The following USF3 variants were observed in gnomAD, a reference collection of about 807,000 sequenced individuals.
USF3 encodes upstream transcription factor family member 3, also known as basic helix-loop-helix domain-containing protein USF3.
USF3 carries 29 observed loss-of-function variants against 157.5 expected under a neutral mutation model. That is an observed-to-expected ratio of 0.18 (90% CI 0.14 to 0.25). The LOEUF is 0.25. Among genes scored for constraint, USF3 ranks in the 10% least tolerant of loss-of-function variants. The probability of loss-of-function intolerance (pLI) is 1.00; values close to 1 mark genes in which losing one functional copy is unlikely to be tolerated. For synonymous variants in USF3, 893 were observed against 941.4 expected, an observed-to-expected ratio of 0.95 and a Z score of 0.94; for missense variants, 2,381 against 2,667.6, an observed-to-expected ratio of 0.89 and a Z score of 2.37.
chr3:113,648,436 A>G lies in USF3; in HGVS notation c.*6508T>C, dbSNP rs1027532919. 29 of 152,692 alleles carry G rather than the reference A, an allele frequency of 1.9e-4. No individual in the cohort carries two copies. The highest frequency in any genetic ancestry group is 7.0e-4 in the African/African-American group (29 of 41,470). 9.5% of individuals were successfully genotyped at this position (152,692 alleles called of 1,614,324 possible). On this transcript the variant is annotated 3_prime_UTR_variant, in exon 7 of 7. Transcript: ENST00000316407. ...TTTTCTTAAATAAAATACTATATTC[A>G]TATCTATACAAATAATTATTACAAC... is the stretch of plus-strand genomic sequence containing the variant.
In USF3 at chr3:113,655,355, G is replaced by C. The variant is rs372130491; in HGVS notation, c.6327C>G (p.Ser2109=). 13 of 1,613,950 alleles carry C rather than the reference G, an allele frequency of 8.1e-6. No homozygotes were observed. Among genetic ancestry groups the C allele is most frequent in the Non-Finnish European group, 1.1e-5 (13 of 1,179,938 alleles). ...IPVDPQNTLP[S]FYPPYSPAHP... ...GAGCAGGAGAGTATGGAGGATAGAA[G>C]GAGGGCAGAGTATTTTGCGGATCTA... Residue 2109 remains serine (S), a synonymous_variant, in exon 7 of 7, where the codon TCC becomes TCG. Transcript: ENST00000316407.
rs1036517765 is a variant in USF3 at position 113,651,783 on chromosome 3, C to G, written c.*3161G>C. The G allele has an allele frequency of 6.6e-6, 1 of 152,110 alleles. No homozygotes were observed. Among genetic ancestry groups the G allele is most frequent in the Non-Finnish European group, 1.5e-5 (1 of 68,040 alleles). 9.4% of individuals were successfully genotyped at this position (152,110 alleles called of 1,614,324 possible). ...CATCTGTAAAGTAATGAGAGCTACA[C>G]GTAAGCAGGAGCCAATTATTCACAG... On this transcript the variant is annotated 3_prime_UTR_variant, in exon 7 of 7. Coordinates refer to ENST00000316407, the MANE Select transcript of USF3 (RefSeq NM_001009899.4).
At position 113,661,402 on chromosome 3, in the gene USF3, T is replaced by C. The variant is rs758120833; in HGVS notation, c.280A>G (p.Lys94Glu). Residue 94 changes from lysine (K) to glutamate (E), a missense_variant, in exon 7 of 7, where the codon AAA becomes GAA. Lys to Glu is a moderately conservative substitution (Grantham distance 56). Coordinates refer to ENST00000316407, the MANE Select transcript of USF3 (RefSeq NM_001009899.4). ...TCTTTTTGGATTTCTTCCAGTTGTT[T>C]CCGTAGCTTTTTTATTTCTTCAGCT... ...EQAEEIKKLRKQLEEIQKENG... is the reference protein window; with the variant it reads ...EQAEEIKKLREQLEEIQKENG... 5.8e-6 allele frequency: 9 copies of C among 1,560,930 alleles called. No individual in the cohort carries two copies. Among genetic ancestry groups the C allele is most frequent in the Non-Finnish European group, 7.8e-6 (9 of 1,158,984 alleles).
intron 4 of USF3, among the ~76,000 whole-genome samples, chr3:113,670,657 C>T (rs1273930745): frequency 6.6e-6 from 1 of 152,042 alleles, no homozygotes; most frequent in Admixed American, 6.6e-5. Context: ...AAGGGCTTAT[C>T]AAACATTATC....
In USF3 at chr3:113,650,288, T is replaced by C; in HGVS notation, c.*4656A>G. The C allele has an allele frequency of 6.3e-6, 1 of 159,478 alleles. No individual in the cohort carries two copies. The highest frequency in any genetic ancestry group is 1.4e-5 in the Non-Finnish European group (1 of 72,948). The allele number at this position is 159,478 out of a possible 1,614,324, so 9.9% of individuals were successfully genotyped here. On this transcript the variant is annotated 3_prime_UTR_variant, in exon 7 of 7. Coordinates refer to ENST00000316407, the MANE Select transcript of USF3 (RefSeq NM_001009899.4). Reference sequence around the variant, plus strand: ...ACACTGAAATATTTTAAATCAATTCTGAACTAATTTTGTTTCAAGAAATTA... The same window carrying C: ...ACACTGAAATATTTTAAATCAATTCCGAACTAATTTTGTTTCAAGAAATTA...
Position 113,648,639 on chromosome 3 carries a change from A to C in USF3, c.*6305T>G, listed in dbSNP as rs577939623. ...ATTATACATATCTGCTCTGGATTCCATTACAAAACAAATTAGTTTCCATAA... is the reference window on the plus strand; with the variant it reads ...ATTATACATATCTGCTCTGGATTCCCTTACAAAACAAATTAGTTTCCATAA... On this transcript the variant is annotated 3_prime_UTR_variant, in exon 7 of 7. Coordinates refer to ENST00000316407, the MANE Select transcript of USF3 (RefSeq NM_001009899.4). 4 of 152,750 alleles carry C rather than the reference A, an allele frequency of 2.6e-5. No homozygotes were observed. The South Asian group carries it at 8.3e-4, about 32-fold the overall frequency. The allele number at this position is 152,750 out of a possible 1,614,324, so 9.5% of individuals were successfully genotyped here.
Position 113,659,336 on chromosome 3 carries a change from G to A in USF3, c.2346C>T (p.Asn782=), listed in dbSNP as rs868377040. The change falls in exon 7 of 7, where the codon AAC becomes AAT. Residue 782 remains asparagine (N), a synonymous_variant. Coordinates refer to ENST00000316407, the MANE Select transcript of USF3 (RefSeq NM_001009899.4). ...TCATGTTAGGCAAACAAGCAACAGT[G>A]TTCATTGAGGAAGTACTCACTAGAT... ...TYNLVSTSSM[N]TVACLPNMKS... 5.6e-6 allele frequency: 9 copies of A among 1,614,100 alleles called. No individual in the cohort carries two copies. Among genetic ancestry groups the A allele is most frequent in the Middle Eastern group, 3.3e-4 (2 of 6,084 alleles).
intron 1 of USF3, among the ~76,000 whole-genome samples, chr3:113,684,510 A>T (rs1245442321): frequency 6.6e-6 from 1 of 151,856 alleles, no homozygotes; most frequent in East Asian, 1.9e-4. Flanking sequence ...TTTTGAAGCT[A>T]TTTTCTAAAT....
chr3:113,679,871 A>T (rs759326263), intron 1 of USF3, among the ~76,000 whole-genome samples: 26 of 152,058 alleles, frequency 1.7e-4, no homozygotes, highest in Non-Finnish European at 3.7e-4. Context: ...TCTGAAATTC[A>T]TCTAGTAGTT....
chr3:113,652,122 TG>T lies in USF3; in HGVS notation c.*2821del, dbSNP rs1947273306. ...GAGAGAGAGAGAGTGTGTGTGTGTG[TG>T]TGTGTGTGTGTGTGTGTATATGTGT... On this transcript the variant is annotated 3_prime_UTR_variant, in exon 7 of 7. Transcript: ENST00000316407. 7.0e-6 allele frequency: 1 copy of T among 142,046 alleles called. No individual in the cohort carries two copies. Among genetic ancestry groups the T allele is most frequent in the African/African-American group, 3.0e-5 (1 of 33,808 alleles). The allele number at this position is 142,046 out of a possible 1,614,324, so 8.8% of individuals were successfully genotyped here.
chr3:113,678,042 C>T (rs913573190), intron 1 of USF3, among the ~76,000 whole-genome samples: 2 of 150,610 alleles, frequency 1.3e-5, no homozygotes, highest in Non-Finnish European at 3.0e-5. Context: ...CTTCTCCCTC[C>T]CTTCCTCCCT....
Position 113,657,421 on chromosome 3 carries a change from C to G in USF3, c.4261G>C (p.Gly1421Arg). The change falls in exon 7 of 7, where the codon GGT becomes CGT. Residue 1421 changes from glycine to arginine, a missense_variant. This residue lies in a region of USF3 where 1,435 missense variants were observed against 1,550.9 expected (regional missense o/e 0.93). Coordinates refer to ENST00000316407, the MANE Select transcript of USF3 (RefSeq NM_001009899.4). ...PALRQTEVQC[G>R]SQPSVAEQQQ... ...TGTTCAGCAACTGAAGGCTGAGAAC[C>G]ACACTGAACTTCAGTTTGCCTCAAT... The G allele has an allele frequency of 6.2e-7, 1 of 1,614,128 alleles. No homozygotes were observed.
rs1947321184 is a variant in USF3 at position 113,654,668 on chromosome 3, T to G, written c.*276A>C. 1 of 396,614 alleles carries G rather than the reference T, an allele frequency of 2.5e-6. No individual in the cohort carries two copies. Among genetic ancestry groups the G allele is most frequent in the African/African-American group, 2.0e-5 (1 of 48,964 alleles). 24.6% of individuals were successfully genotyped at this position (396,614 alleles called of 1,614,324 possible). A position where few individuals can be genotyped will look rare whatever the true frequency, so the allele number is the denominator to read the frequency against. On this transcript the variant is annotated 3_prime_UTR_variant, in exon 7 of 7. Coordinates refer to ENST00000316407, the MANE Select transcript of USF3 (RefSeq NM_001009899.4). ...CATGACAAGATGATCTCCCCCAATT[T>G]CCAGCTAATTAGTATTTAGGAAATA...
At chr3:113,694,846 A>C (rs962811745) in intron 1 of USF3, among the ~76,000 whole-genome samples, 2 of 152,216 alleles carry the variant, frequency 1.3e-5, no homozygotes, top group Non-Finnish European at 2.9e-5. Flanking sequence ...GGAGTGCAAG[A>C]CCAGCCTGGC....
intron 5 of USF3, 91 bp from the exon 6 acceptor site, chr3:113,664,500 T>C (rs1049312994): frequency 4.9e-6 from 3 of 614,068 alleles, no homozygotes; most frequent in South Asian, 2.2e-5. Context: ...ATCACATATA[T>C]ATGATACGTA....
chr3:113,676,629 T>A (rs1021541457), intron 2 of USF3, among the ~76,000 whole-genome samples: 2 of 152,174 alleles, frequency 1.3e-5, no homozygotes, highest in Non-Finnish European at 2.9e-5. Context: ...GGACACAGCC[T>A]AACTATATCA....
chr3:113,653,167 G>T lies in USF3; in HGVS notation c.*1777C>A. The T allele has an allele frequency of 6.0e-6, 1 of 167,324 alleles. No individual in the cohort carries two copies. The highest frequency in any genetic ancestry group is 2.4e-5 in the African/African-American group (1 of 41,960). 10.4% of individuals were successfully genotyped at this position (167,324 alleles called of 1,614,324 possible). Reference sequence around the variant, plus strand: ...CTCCCACCCCATCCCATTTTTGGCAGAATATAACAAGAACAAAAAGTAATG... The same window carrying T: ...CTCCCACCCCATCCCATTTTTGGCATAATATAACAAGAACAAAAAGTAATG... On this transcript the variant is annotated 3_prime_UTR_variant, in exon 7 of 7. Transcript: ENST00000316407.
chr3:113,655,366 T>C lies in USF3; in HGVS notation c.6316A>G (p.Thr2106Ala), dbSNP rs1339927300. Residue 2106 changes from threonine to alanine, a missense_variant, in exon 7 of 7, where the codon ACT (threonine) becomes GCT (alanine). Transcript: ENST00000316407. ...TATGGAGGATAGAAGGAGGGCAGAG[T>C]ATTTTGCGGATCTACCGGGATGAGG... The part of the protein sequence containing the change: ...PALIPVDPQN[T>A]LPSFYPPYSP... 2.5e-6 allele frequency: 4 copies of C among 1,613,778 alleles called. No homozygotes were observed. Among genetic ancestry groups the C allele is most frequent in the Non-Finnish European group, 3.4e-6 (4 of 1,179,890 alleles).
At position 113,656,720 on chromosome 3, in the gene USF3, G is replaced by A. The variant is rs2107918298; in HGVS notation, c.4962C>T (p.Thr1654=). Residue 1654 remains threonine (T), a synonymous_variant, in exon 7 of 7, where the codon ACC becomes ACT. Transcript: ENST00000316407. ...TTCTCTCTGGCCTGTGTGGAGTACAGGTCATGTCTGAAGATCTAGTCACAA... is the reference window on the plus strand; with the variant it reads ...TTCTCTCTGGCCTGTGTGGAGTACAAGTCATGTCTGAAGATCTAGTCACAA... ...PSIVTRSSDM[T]CTPHRPERNR... 6.2e-7 allele frequency: 1 copy of A among 1,614,162 alleles called. No homozygotes were observed. The highest frequency in any genetic ancestry group is 8.5e-7 in the Non-Finnish European group (1 of 1,180,022).
Sources: allele counts gnomAD v4.1 joint callset (sites outside exome capture counted in the v4.1 genomes callset), GRCh38; gene constraint gnomAD v4.1.1; regional missense constraint gnomAD v4.1.1; transcripts MANE v1.5; gene names NCBI Gene and HGNC (gene_info 2026-07-23, HGNC 2026-07-21).